Variants in AJAP1 observed in about 807,000 individuals in gnomAD.
AJAP1 encodes adherens junctions associated protein 1.
Under a neutral mutation model 35.0 loss-of-function variants are expected in AJAP1, and 5 were observed. The observed-to-expected ratio is 0.14, with a 90% CI of 0.07 to 0.30. AJAP1 has a LOEUF of 0.30. AJAP1 is among the 10% of genes least tolerant of loss of function. The pLI is 1.00. For missense variants in AJAP1, 586 were observed against 571.0 expected, an observed-to-expected ratio of 1.03 and a Z score of -0.27; for synonymous variants, 284 against 249.3, an observed-to-expected ratio of 1.14 and a Z score of -1.31.
At chr1:4,691,418 C>T (rs1639736501) in intron 1 of AJAP1, among the ~76,000 whole-genome samples, 1 of 152,230 alleles carries the variant, frequency 6.6e-6, no homozygotes, top group Non-Finnish European at 1.5e-5. Context: ...CTTCTGTCGT[C>T]AGCAGGGCCA....
intron 1 of AJAP1, among the ~76,000 whole-genome samples, chr1:4,704,092 A>G (rs988579405): frequency 1.3e-5 from 2 of 151,994 alleles, no homozygotes; most frequent in Non-Finnish European, 2.9e-5. Context: ...TGTATTGTGG[A>G]TAATTACCCC....
At chr1:4,713,634 C>G (rs923233469) in intron 2 of AJAP1, among the ~76,000 whole-genome samples, 14 of 152,260 alleles carry the variant, frequency 9.2e-5, no homozygotes, top group African/African-American at 3.4e-4. Flanking sequence ...GTCACCCTCA[C>G]CTCCCTCCAG....
chr1:4,759,819 G>T (rs1432490754), intron 2 of AJAP1, among the ~76,000 whole-genome samples: 1 of 152,084 alleles, frequency 6.6e-6, no homozygotes, highest in Non-Finnish European at 1.5e-5. Flanking sequence ...GGTGCTGGTG[G>T]CGCTGGGAGT....
intron 2 of AJAP1, among the ~76,000 whole-genome samples, chr1:4,735,932 A>G (rs967875618): frequency 1.3e-5 from 2 of 152,150 alleles, no homozygotes; most frequent in Non-Finnish European, 2.9e-5. Context: ...TGCTGGTCAG[A>G]TTGAGGGGAG....
chr1:4,765,976 A>T (rs1217839728), intron 2 of AJAP1, among the ~76,000 whole-genome samples: 1 of 152,216 alleles, frequency 6.6e-6, no homozygotes, highest in African/African-American at 2.4e-5. Flanking sequence ...ATGGTGGAGG[A>T]GCAAGGTTCT....
chr1:4,697,879 G>T (rs1473175921), intron 1 of AJAP1, among the ~76,000 whole-genome samples: 1 of 152,232 alleles, frequency 6.6e-6, no homozygotes, highest in African/African-American at 2.4e-5. Flanking sequence ...TCAGGGCAGC[G>T]TTCCAGTGGC....
intron 2 of AJAP1, among the ~76,000 whole-genome samples, chr1:4,746,442 C>T (rs192566576): frequency 6.6e-6 from 1 of 152,172 alleles, no homozygotes; most frequent in African/African-American, 2.4e-5. Context: ...CCGTTCAACC[C>T]GCATCGCCCA....
intron 1 of AJAP1, among the ~76,000 whole-genome samples, chr1:4,697,155 C>T (rs1639882404): frequency 6.6e-6 from 1 of 152,154 alleles, no homozygotes; most frequent in African/African-American, 2.4e-5. Context: ...TCTGTGTGTG[C>T]ATGCCTGACT....
chr1:4,658,560 T>C (rs907105270), intron 1 of AJAP1, among the ~76,000 whole-genome samples: 39 of 152,242 alleles, frequency 2.6e-4, no homozygotes, highest in African/African-American at 9.2e-4. Context: ...CTGGAATCTA[T>C]CTAGTGTCAG....
chr1:4,670,948 G>C (rs1326823412), intron 1 of AJAP1, among the ~76,000 whole-genome samples: 1 of 152,236 alleles, frequency 6.6e-6, no homozygotes, highest in East Asian at 1.9e-4. Flanking sequence ...CTGTGCCTGG[G>C]CTGTGGCCCT....
chr1:4,688,900 C>T (rs764616556), intron 1 of AJAP1, among the ~76,000 whole-genome samples: 7 of 152,144 alleles, frequency 4.6e-5, no homozygotes, highest in Non-Finnish European at 8.8e-5. Flanking sequence ...CCATTATCTC[C>T]CTTCTACAGG....
chr1:4,719,309 T>C (rs545874220), intron 2 of AJAP1, among the ~76,000 whole-genome samples: 27 of 152,200 alleles, frequency 1.8e-4, no homozygotes, highest in Middle Eastern at 6.8e-3. Flanking sequence ...ACATGGCCCC[T>C]CCTCCTCTTT....
intron 1 of AJAP1, among the ~76,000 whole-genome samples, chr1:4,684,567 T>C (rs1639564261): frequency 6.6e-6 from 1 of 152,120 alleles, no homozygotes. Flanking sequence ...CACCACTTCT[T>C]AGACATTCTC....
rs1247606579 is a variant in AJAP1 at position 4,787,431 on chromosome 1, AT to A, written c.*4948del. ...CCTGCGACCCATCACCTACTGGAAA[AT>A]TACCACTTGCTGCTTGAGGGTTGGT... On this transcript the variant is annotated 3_prime_UTR_variant, in exon 6 of 6. Coordinates refer to ENST00000378191, the MANE Select transcript of AJAP1 (RefSeq NM_018836.4). 3 of 292,750 alleles carry A rather than the reference AT, an allele frequency of 1.0e-5. No individual in the cohort carries two copies. The highest frequency in any genetic ancestry group is 4.5e-5 in the African/African-American group (2 of 44,120). The allele number at this position is 292,750 out of a possible 1,614,324, so 18.1% of individuals were successfully genotyped here. A position where few individuals can be genotyped will look rare whatever the true frequency, so the allele number is the denominator to read the frequency against.
chr1:4,711,566 C>A (rs1051774791), intron 1 of AJAP1, among the ~76,000 whole-genome samples: 11 of 152,198 alleles, frequency 7.2e-5, no homozygotes, highest in Non-Finnish European at 1.5e-4. Context: ...TCGAGGCTGC[C>A]CTGAAAGGCT....
At chr1:4,732,040 C>A (rs1640809040) in intron 2 of AJAP1, among the ~76,000 whole-genome samples, 1 of 152,234 alleles carries the variant, frequency 6.6e-6, no homozygotes, top group South Asian at 2.1e-4. Context: ...TGCAGGAGCC[C>A]CCTTTCTGAG....
At chr1:4,718,360 G>A (rs1056269162) in intron 2 of AJAP1, among the ~76,000 whole-genome samples, 18 of 152,122 alleles carry the variant, frequency 1.2e-4, no homozygotes, top group Middle Eastern at 3.2e-3. Flanking sequence ...TCAACTTATT[G>A]CATTTAGTCC....
intron 2 of AJAP1, among the ~76,000 whole-genome samples, 200 bp downstream of exon 2, chr1:4,712,899 GGA>G (rs1640299007): frequency 6.6e-6 from 1 of 152,180 alleles, no homozygotes; most frequent in Non-Finnish European, 1.5e-5. Flanking sequence ...GCGTGAGAAG[GGA>G]GAGTTTCCCT....
chr1:4,732,690 G>A (rs1640827329), intron 2 of AJAP1, among the ~76,000 whole-genome samples: 1 of 152,260 alleles, frequency 6.6e-6, no homozygotes, highest in Non-Finnish European at 1.5e-5. Flanking sequence ...GGGAGTGAGG[G>A]TGAACCCCTG....
Sources: allele counts gnomAD v4.1 joint callset (sites outside exome capture counted in the v4.1 genomes callset), GRCh38; gene constraint gnomAD v4.1.1; transcripts MANE v1.5; gene names NCBI Gene and HGNC (gene_info 2026-07-23, HGNC 2026-07-21).